The following KLF8 variants were observed in gnomAD, a reference collection of about 807,000 sequenced individuals.
KLF8 encodes the protein Krueppel-like factor 8.
Under a neutral mutation model 18.2 loss-of-function variants are expected in KLF8, and 10 were observed. That is an observed-to-expected ratio of 0.55 (90% CI 0.34 to 0.93). KLF8 has a LOEUF of 0.93. Ranked by LOEUF, KLF8 falls within the 40% of genes least tolerant of loss-of-function variation. The pLI is 0.02. For missense variants in KLF8, 264 were observed against 277.9 expected (o/e 0.95, Z 0.36); for synonymous variants, 109 against 97.3 (o/e 1.12, Z -0.71).
At chrX:56,162,382 G>A in the KLF8 span, among the ~76,000 whole-genome samples, 5 of 112,113 alleles carry the variant, frequency 4.5e-5, no homozygotes, top group African/African-American at 1.6e-4. Context: ...GTCTACAGAG[G>A]CAGGCAGGCC....
the KLF8 span, among the ~76,000 whole-genome samples, chrX:56,110,255 T>G: frequency 1.8e-5 from 2 of 111,739 alleles, no homozygotes; most frequent in Admixed American, 1.9e-4. Flanking sequence ...CTTAAAGTGT[T>G]TTTTTTATAA....
At chrX:56,251,451 ATATTTATTTATT>A (rs749659954) in intron 2 of KLF8, among the ~76,000 whole-genome samples, 12 of 110,212 alleles carry the variant, frequency 1.1e-4, no homozygotes, top group African/African-American at 2.6e-4. Flanking sequence ...GAATTTTTAT[ATATTTATTTATT>A]TATTTATTTA....
chrX:56,117,349 T>C, the KLF8 span, among the ~76,000 whole-genome samples: 36 of 112,005 alleles, frequency 3.2e-4, no homozygotes, highest in Admixed American at 1.9e-3. Flanking sequence ...GCAAGGCTTG[T>C]GCTGAGTGCT....
the KLF8 span, among the ~76,000 whole-genome samples, chrX:56,142,929 G>A: frequency 8.9e-6 from 1 of 111,898 alleles, no homozygotes; most frequent in Non-Finnish European, 1.9e-5. Flanking sequence ...TAATGCAATA[G>A]CTGATTTAGT....
the KLF8 span, among the ~76,000 whole-genome samples, chrX:56,083,542 G>A: frequency 9.0e-6 from 1 of 111,614 alleles, no homozygotes; most frequent in Admixed American, 9.5e-5. Flanking sequence ...ACTTTTCAGT[G>A]CTCACTAAAA....
At chrX:56,182,356 A>G in the KLF8 span, among the ~76,000 whole-genome samples, 3 of 111,993 alleles carry the variant, frequency 2.7e-5, no homozygotes, top group East Asian at 2.8e-4. Flanking sequence ...CTAGTTAACC[A>G]TTTGTCTAAT....
At chrX:55,981,555 C>T in the KLF8 span, among the ~76,000 whole-genome samples, 1 of 112,284 alleles carries the variant, frequency 8.9e-6, no homozygotes, top group Non-Finnish European at 1.9e-5. Context: ...AGAAACATTT[C>T]CTTCTTGCAC....
At chrX:55,937,189 G>A in the KLF8 span, among the ~76,000 whole-genome samples, 1 of 110,882 alleles carries the variant, frequency 9.0e-6, no homozygotes. Flanking sequence ...CCAGAGGAAC[G>A]ATCAGGCAGC....
chrX:56,189,373 G>T, the KLF8 span, among the ~76,000 whole-genome samples: 1 of 111,650 alleles, frequency 9.0e-6, no homozygotes, highest in African/African-American at 3.3e-5. Flanking sequence ...GGAAACAACA[G>T]GTGCTGGAGA....
At chrX:56,271,556 T>C (rs2067058134) in intron 5 of KLF8, among the ~76,000 whole-genome samples, 1 of 111,527 alleles carries the variant, frequency 9.0e-6, no homozygotes, top group African/African-American at 3.3e-5. Context: ...TTTGCTGTGT[T>C]AGAATTTGTG....
chrX:56,190,397 C>T, the KLF8 span, among the ~76,000 whole-genome samples: 1 of 111,535 alleles, frequency 9.0e-6, no homozygotes, highest in Non-Finnish European at 1.9e-5. Flanking sequence ...CTCCTGTACC[C>T]CTTTTTCAGT....
chrX:55,961,620 G>A, the KLF8 span: 150 of 434,504 alleles, frequency 3.5e-4, no homozygotes, highest in African/African-American at 2.8e-3. Context: ...CGACCTTAAC[G>A]ATCAGAGCCT....
At chrX:56,243,417 G>A in intron 1 of KLF8, 1 of 242,553 alleles carries the variant, frequency 4.1e-6, no homozygotes, top group Non-Finnish European at 7.7e-6. Context: ...CATCTTATCG[G>A]GGTTTTCTGT....
At chrX:56,084,250 G>A in the KLF8 span, among the ~76,000 whole-genome samples, 1 of 110,484 alleles carries the variant, frequency 9.1e-6, no homozygotes, top group Non-Finnish European at 1.9e-5. Context: ...AAGCGTGGTG[G>A]CACATGCCTG....
At chrX:56,121,388 G>T in the KLF8 span, among the ~76,000 whole-genome samples, 2 of 110,720 alleles carry the variant, frequency 1.8e-5, no homozygotes, top group African/African-American at 6.6e-5. Context: ...GTGAAGAAAG[G>T]GGAGAGGAAA....
Position 56,265,196 on chromosome X carries a change from G to A in KLF8, c.98G>A (p.Arg33Gln), listed in dbSNP as rs144407506. ...TTATTTAAGGTCACTGCTTCTGTTC[G>A]GAACAGAGATCCCCCTGAGATAGAA... ...QVFKQVTASV[R>Q]NRDPPEIEYR... The change falls in exon 3 of 6, where the codon CGG (arginine) becomes CAG (glutamine). Residue 33 changes from arginine to glutamine, a missense_variant. Physicochemically the swap from Arg to Gln is conservative, Grantham distance 43 (BLOSUM62 1). Around this residue, in one of 2 missense-constraint regions of KLF8, gnomAD observed 221 missense variants for 193.6 expected, o/e 1.14. Transcript: ENST00000468660. 6 of 1,195,715 alleles carry A rather than the reference G, an allele frequency of 5.0e-6. No individual in the cohort carries two copies. The highest frequency in any genetic ancestry group is 3.0e-5 in the East Asian group (1 of 33,573).
chrX:56,212,794 G>GT, the KLF8 span, among the ~76,000 whole-genome samples: 16 of 111,930 alleles, frequency 1.4e-4, no homozygotes, highest in Admixed American at 6.6e-4. Flanking sequence ...ATATGATGGT[G>GT]TTTTTTTGTG....
chrX:55,930,767 G>T, the KLF8 span, among the ~76,000 whole-genome samples: 9 of 111,727 alleles, frequency 8.1e-5, no homozygotes, highest in Non-Finnish European at 1.7e-4. Context: ...TTTTTGATGT[G>T]CTGGTGGATT....
At chrX:56,187,019 T>A in the KLF8 span, among the ~76,000 whole-genome samples, 4 of 111,016 alleles carry the variant, frequency 3.6e-5, no homozygotes, top group African/African-American at 9.8e-5. Context: ...AAGAAATAAC[T>A]AAAATCACAG....
Sources: allele counts gnomAD v4.1 joint callset (sites outside exome capture counted in the v4.1 genomes callset), GRCh38; gene constraint gnomAD v4.1.1; regional missense constraint gnomAD v4.1.1; transcripts MANE v1.5; gene names NCBI Gene and HGNC (gene_info 2026-07-23, HGNC 2026-07-21).